Variants in GALNT2 observed in about 807,000 individuals in gnomAD.
GALNT2 encodes polypeptide N-acetylgalactosaminyltransferase 2.
In GALNT2, 31 loss-of-function variants were observed where a neutral mutation model predicts 81.4. The ratio of observed to expected loss-of-function variants is 0.38; its 90% CI spans 0.29 to 0.51. The LOEUF is 0.51. GALNT2 is among the 20% of genes least tolerant of loss of function. The pLI is 0.87. For missense variants in GALNT2, 629 were observed against 765.7 expected (o/e 0.82, Z 2.11); for synonymous variants, 303 against 287.4 (o/e 1.05, Z -0.55).
At position 230,115,219 on chromosome 1, in the gene GALNT2, C is replaced by T. The variant is rs759732775; in HGVS notation, c.126+47813C>T. ...CAGGGTTTTACTATCTTGGCCATGC[C>T]GGTCTTGAACTCCTGACCTTGTGAT... On this transcript the variant is annotated intron_variant, in intron 1 of 15. Coordinates refer to ENST00000366672, the MANE Select transcript of GALNT2 (RefSeq NM_004481.5). Among the ~76,000 whole-genome samples the T allele has an allele frequency of 6.6e-5, 10 of 152,004 alleles. 1 individual carries two copies. In the South Asian group the frequency reaches 1.5e-3, roughly 22 times the overall value.
Position 230,243,737 on chromosome 1 carries a change from C to T in GALNT2, c.729+310C>T, listed in dbSNP as rs975158041. ...CAGCCCTTTTCATGGGAGCAGTTTC[C>T]TTCCCCGCCTACAGCTTCGCAGAGT... On this transcript the variant is annotated intron_variant, in intron 7 of 15. Transcript: ENST00000366672. This position sits in a 1 kb window ranked among gnomAD's most constrained non-coding sequence, Gnocchi z 4.2. 6.6e-6 allele frequency among the ~76,000 whole-genome samples: 1 copy of T among 152,188 alleles called. No individual in the cohort carries two copies. The highest frequency in any genetic ancestry group is 1.5e-5 in the Non-Finnish European group (1 of 68,030).
intron 1 of GALNT2, among the ~76,000 whole-genome samples, chr1:230,104,649 C>T (rs1558085364): frequency 6.6e-6 from 1 of 152,216 alleles, no homozygotes; most frequent in Non-Finnish European, 1.5e-5. Flanking sequence ...TTCACCAGCT[C>T]ACAGAGTTCC....
intron 1 of GALNT2, among the ~76,000 whole-genome samples, chr1:230,154,540 T>C (rs566482171): frequency 6.6e-5 from 10 of 152,326 alleles, no homozygotes; most frequent in African/African-American, 2.4e-4. Context: ...AGAATGTCAC[T>C]TTATTTGGAG....
upstream of GALNT2, among the ~76,000 whole-genome samples, chr1:230,067,015 C>T (rs1206385281): frequency 1.3e-5 from 2 of 148,626 alleles, no homozygotes; most frequent in African/African-American, 4.9e-5. Context: ...CAGCCGCCGC[C>T]GATTGGTCGC....
At chr1:230,232,211 C>T (rs1664886304) in intron 3 of GALNT2, among the ~76,000 whole-genome samples, 1 of 152,160 alleles carries the variant, frequency 6.6e-6, no homozygotes, top group African/African-American at 2.4e-5. Flanking sequence ...CTCACTCTAA[C>T]TCTGGGATGT....
At chr1:230,179,768 G>A (rs60339132) in intron 2 of GALNT2, among the ~76,000 whole-genome samples, 1,620 of 152,228 alleles carry the variant, frequency 0.011, 27 homozygotes, top group African/African-American at 0.036. Flanking sequence ...TCTTGATAGT[G>A]TCCTAGAAGA....
intron 11 of GALNT2, 41 bp from the exon 12 acceptor site, chr1:230,262,532 A>G: frequency 6.4e-7 from 1 of 1,553,990 alleles, no homozygotes; most frequent in Non-Finnish European, 8.9e-7. Context: ...ATGCAGACAG[A>G]AAGAAAGGAA....
In GALNT2 at chr1:230,257,071, T is replaced by C. The variant is rs1665736827; in HGVS notation, c.1136+1727T>C. ...ATGGAAGCCAAGGGTAGCTGGAACC[T>C]AGAGAGTAAGGGGACAGTGCACAGG... On this transcript the variant is annotated intron_variant, in intron 11 of 15. Transcript: ENST00000366672. The surrounding 1 kb of genome is among the most constrained non-coding windows in gnomAD (Gnocchi z 4.6). Among the ~76,000 whole-genome samples, 1 of 152,132 alleles carries C rather than the reference T, an allele frequency of 6.6e-6. No homozygotes were observed. The highest frequency in any genetic ancestry group is 6.5e-5 in the Admixed American group (1 of 15,288).
chr1:230,244,485 A>G (rs1310879981), intron 7 of GALNT2, among the ~76,000 whole-genome samples: 1 of 122,842 alleles, frequency 8.1e-6, no homozygotes. Context: ...ACCCACCCCA[A>G]CCCCACAACT....
chr1:230,060,412 T>C (rs1244088749), intron 1 of GALNT2, among the ~76,000 whole-genome samples: 1 of 152,048 alleles, frequency 6.6e-6, no homozygotes, highest in East Asian at 1.9e-4. Context: ...CTTCTCAGAG[T>C]CTCTCCGCAG....
chr1:230,133,628 T>C, intron 1 of GALNT2, among the ~76,000 whole-genome samples: 1 of 152,060 alleles, frequency 6.6e-6, no homozygotes, highest in Non-Finnish European at 1.5e-5. Flanking sequence ...TAATTTTTTG[T>C]GTTTTTGGTA....
rs544481491 is a variant in GALNT2 at position 230,274,563 on chromosome 1, A to G, written c.1559A>G (p.Gln520Arg). The change falls in exon 15 of 16, where the codon CAG becomes CGG. Residue 520 changes from glutamine (Q) to arginine (R), a missense_variant and splice_region_variant. Around this residue, in one of 3 missense-constraint regions of GALNT2, gnomAD observed 207 missense variants for 225.5 expected, o/e 0.92. Transcript: ENST00000366672. ...LQGCRENDSR[Q>R]KWEQIEGNSK... ...GGCTGCCGAGAAAATGACAGCAGAC[A>G]GGTACGGCTTGCAGGCACCCGTGGG... The G allele has an allele frequency of 1.2e-6, 2 of 1,613,808 alleles. No individual in the cohort carries two copies. Among genetic ancestry groups the G allele is most frequent in the Non-Finnish European group, 1.7e-6 (2 of 1,179,850 alleles).
At chr1:230,197,324 G>A (rs1046474172) in intron 2 of GALNT2, among the ~76,000 whole-genome samples, 3 of 152,144 alleles carry the variant, frequency 2.0e-5, no homozygotes, top group Non-Finnish European at 4.4e-5. Flanking sequence ...TAACAGCAGG[G>A]CATGAATTCA....
intron 1 of GALNT2, among the ~76,000 whole-genome samples, chr1:230,113,690 C>T (rs762582879): frequency 2.0e-5 from 3 of 152,100 alleles, no homozygotes; most frequent in African/African-American, 7.2e-5. Flanking sequence ...GCACAGACAG[C>T]GTGCGGGATT....
intron 1 of GALNT2, among the ~76,000 whole-genome samples, chr1:230,116,684 CAGT>C (rs763138304): frequency 1.4e-4 from 21 of 152,164 alleles, no homozygotes; most frequent in Non-Finnish European, 2.6e-4. Context: ...CATCAGTGAT[CAGT>C]AGTAGTCTTT....
At chr1:230,135,897 T>C in intron 1 of GALNT2, among the ~76,000 whole-genome samples, 1 of 151,994 alleles carries the variant, frequency 6.6e-6, no homozygotes, top group Non-Finnish European at 1.5e-5. Context: ...CTCACTGTGT[T>C]GCCCAGGCTG....
chr1:230,245,704 T>C (rs1665347296), intron 7 of GALNT2, among the ~76,000 whole-genome samples: 1 of 152,214 alleles, frequency 6.6e-6, no homozygotes, highest in Admixed American at 6.5e-5. Context: ...TAATGGTATT[T>C]GGGCAAACAG....
chr1:230,279,162 T>A lies in GALNT2; in HGVS notation c.1561-141T>A, dbSNP rs1191759537. ...TTCCTGTGGGGCTGCTGCAAGCTCCTCGGCCGTTCAGATGAGAGGCTGGGA... is the reference window on the plus strand; with the variant it reads ...TTCCTGTGGGGCTGCTGCAAGCTCCACGGCCGTTCAGATGAGAGGCTGGGA... On this transcript the variant is annotated intron_variant, in intron 15 of 15. Coordinates refer to ENST00000366672, the MANE Select transcript of GALNT2 (RefSeq NM_004481.5). This position sits in a 1 kb window ranked among gnomAD's most constrained non-coding sequence, Gnocchi z 4.6. 1.6e-5 allele frequency: 14 copies of A among 864,928 alleles called. No homozygotes were observed. The Middle Eastern group carries it at 7.2e-4, about 44-fold the overall frequency. The allele number at this position is 864,928 out of a possible 1,614,324, so 53.6% of individuals were successfully genotyped here. A position where few individuals can be genotyped will look rare whatever the true frequency, so the allele number is the denominator to read the frequency against.
Position 230,157,499 on chromosome 1 carries a change from G to A in GALNT2, c.127-20719G>A, listed in dbSNP as rs1662295321. 2.0e-5 allele frequency among the ~76,000 whole-genome samples: 3 copies of A among 152,168 alleles called. 1 individual carries two copies. The South Asian group carries it at 6.2e-4, about 32-fold the overall frequency. On this transcript the variant is annotated intron_variant, in intron 1 of 15. Transcript: ENST00000366672. The stretch of plus-strand genomic sequence containing the variant: ...TCCCACCCTTAGATATTATCCAAGG[G>A]AAATGGAAATTTATGTGCTCTTGGG...
Sources: gnomAD v4.1 joint callset for allele counts (sites outside exome capture counted in the v4.1 genomes callset) on GRCh38, gnomAD v4.1.1 for gene constraint, gnomAD v4.1.1 regional missense constraint, Gnocchi (gnomAD v3.1) non-coding constraint, MANE v1.5 for transcripts, NCBI Gene and HGNC (gene_info 2026-07-23, HGNC 2026-07-21) for gene names.